The following VAV3 variants were observed in gnomAD, a reference collection of about 807,000 sequenced individuals.
VAV3 encodes guanine nucleotide exchange factor VAV3.
VAV3 carries 94 observed loss-of-function variants against 131.2 expected under a neutral mutation model. That is an observed-to-expected ratio of 0.72 (90% CI 0.61 to 0.85). The LOEUF (loss-of-function observed/expected upper bound fraction) is 0.85, where lower values mean the gene tolerates loss of function less well. Ranked by LOEUF, VAV3 falls within the 40% of genes least tolerant of loss-of-function variation. The probability of loss-of-function intolerance (pLI) is 0.00; values close to 1 mark genes in which losing one functional copy is unlikely to be tolerated. For synonymous variants in VAV3, 349 were observed against 342.0 expected (o/e 1.02, Z -0.22); for missense variants, 939 against 1,002.7 (o/e 0.94, Z 0.86).
chr1:107,952,590 A>G (rs1674609395), intron 1 of VAV3, among the ~76,000 whole-genome samples: 1 of 151,616 alleles, frequency 6.6e-6, no homozygotes, highest in South Asian at 2.1e-4. Context: ...TATAATGTAC[A>G]CATGAGCAAA....
intron 20 of VAV3, among the ~76,000 whole-genome samples, chr1:107,625,912 C>G (rs1238861585): frequency 7.9e-5 from 12 of 151,990 alleles, no homozygotes; most frequent in African/African-American, 2.9e-4. Flanking sequence ...AACTTTTAGT[C>G]ATTATGGCAG....
chr1:107,579,980 C>G (rs1296250375), intron 25 of VAV3, among the ~76,000 whole-genome samples: 1 of 152,228 alleles, frequency 6.6e-6, no homozygotes, highest in Non-Finnish European at 1.5e-5. Context: ...TCCCAGGAGC[C>G]TTCCCTGACA....
At chr1:107,770,513 T>G in intron 6 of VAV3, 123 bp downstream of exon 6, 1 of 696,088 alleles carries the variant, frequency 1.4e-6, no homozygotes, top group South Asian at 1.7e-5. Flanking sequence ...TTTGAGATCT[T>G]TAAGTACAAA....
intron 1 of VAV3, among the ~76,000 whole-genome samples, chr1:107,911,586 A>C (rs1672369229): frequency 6.6e-6 from 1 of 152,256 alleles, no homozygotes; most frequent in Non-Finnish European, 1.5e-5. Context: ...AAGTCATTTA[A>C]AGGTATGCTC....
intron 15 of VAV3, among the ~76,000 whole-genome samples, chr1:107,716,877 T>C (rs1017651188): frequency 1.3e-5 from 2 of 152,176 alleles, no homozygotes; most frequent in African/African-American, 4.8e-5. Flanking sequence ...CTGGACTCTT[T>C]TTGGTTGGTA....
chr1:107,884,404 A>ATTT (rs1300514816), intron 1 of VAV3, among the ~76,000 whole-genome samples: 9 of 112,298 alleles, frequency 8.0e-5, no homozygotes, highest in African/African-American at 3.2e-4. Flanking sequence ...AAAATAAATT[A>ATTT]TTTATTATTA....
intron 19 of VAV3, among the ~76,000 whole-genome samples, chr1:107,647,576 T>A (rs1389487483): frequency 6.6e-6 from 1 of 151,978 alleles, no homozygotes; most frequent in East Asian, 1.9e-4. Context: ...AACAAATAAA[T>A]GTTCATATCT....
chr1:107,752,508 G>A (rs185053824), intron 12 of VAV3, among the ~76,000 whole-genome samples: 1 of 152,280 alleles, frequency 6.6e-6, no homozygotes, highest in Non-Finnish European at 1.5e-5. Flanking sequence ...TATCAACAGA[G>A]TGAAAAGCCA....
chr1:107,844,774 G>A (rs1439511542), intron 2 of VAV3, among the ~76,000 whole-genome samples: 2 of 152,160 alleles, frequency 1.3e-5, no homozygotes, highest in African/African-American at 2.4e-5. Context: ...TCTGTGGAGG[G>A]CATCCTCTGA....
intron 2 of VAV3, among the ~76,000 whole-genome samples, chr1:107,841,576 TATC>T (rs1306694268): frequency 6.6e-6 from 1 of 152,204 alleles, no homozygotes; most frequent in Non-Finnish European, 1.5e-5. Flanking sequence ...TTAAAATAGG[TATC>T]ATTAACATAC....
intron 20 of VAV3, among the ~76,000 whole-genome samples, chr1:107,618,264 T>A (rs1458754668): frequency 6.6e-6 from 1 of 152,144 alleles, no homozygotes; most frequent in Non-Finnish European, 1.5e-5. Context: ...TCTTTCACCT[T>A]TATATTCATT....
chr1:107,952,751 G>T (rs1009672272), intron 1 of VAV3, among the ~76,000 whole-genome samples: 1 of 151,940 alleles, frequency 6.6e-6, no homozygotes, highest in African/African-American at 2.4e-5. Flanking sequence ...GCAACACAGG[G>T]TCAGGGATTG....
At chr1:107,674,878 G>A (rs566380090) in intron 19 of VAV3, among the ~76,000 whole-genome samples, 3 of 152,320 alleles carry the variant, frequency 2.0e-5, no homozygotes, top group Admixed American at 6.5e-5. Flanking sequence ...TGCATATTCT[G>A]ATGAAGCAAG....
chr1:107,796,061 T>C (rs778559994), intron 2 of VAV3, among the ~76,000 whole-genome samples: 2 of 146,954 alleles, frequency 1.4e-5, no homozygotes, highest in African/African-American at 2.5e-5. Context: ...AAGCTTAATC[T>C]TTTTTTTTTT....
intron 2 of VAV3, among the ~76,000 whole-genome samples, chr1:107,853,578 CA>C (rs902524690): frequency 2.1e-3 from 284 of 136,392 alleles, no homozygotes; most frequent in African/African-American, 4.1e-3. Context: ...CCTCAAGAAC[CA>C]AAAAAAAAAA....
At chr1:107,930,833 G>A (rs2101203585) in intron 1 of VAV3, among the ~76,000 whole-genome samples, 1 of 152,258 alleles carries the variant, frequency 6.6e-6, no homozygotes, top group South Asian at 2.1e-4. Flanking sequence ...ACAAAATGAA[G>A]TACACTGCAT....
chr1:107,757,374 C>G, intron 10 of VAV3, 45 bp from the exon 11 acceptor site: 1 of 1,453,952 alleles, frequency 6.9e-7, no homozygotes, highest in Non-Finnish European at 9.5e-7. Flanking sequence ...CAAATTAAAA[C>G]TAAGACATAC....
At chr1:107,595,027 G>GT (rs1053521876) in intron 25 of VAV3, among the ~76,000 whole-genome samples, 3 of 152,004 alleles carry the variant, frequency 2.0e-5, no homozygotes, top group African/African-American at 7.2e-5. Context: ...TAGGAAAATT[G>GT]TTTTTTTGGA....
intron 19 of VAV3, among the ~76,000 whole-genome samples, chr1:107,674,586 A>C (rs1387721572): frequency 6.6e-6 from 1 of 152,140 alleles, no homozygotes; most frequent in Non-Finnish European, 1.5e-5. Flanking sequence ...TATACAGAAG[A>C]TGTCGAAGGA....
Sources: gnomAD v4.1 joint callset for allele counts (sites outside exome capture counted in the v4.1 genomes callset) on GRCh38, gnomAD v4.1.1 for gene constraint, MANE v1.5 for transcripts, NCBI Gene and HGNC (gene_info 2026-07-23, HGNC 2026-07-21) for gene names.